The following ZNF385D variants were observed in gnomAD, a reference collection of about 807,000 sequenced individuals.
ZNF385D encodes zinc finger protein 385D.
A neutral mutation model predicts 35.8 loss-of-function variants in ZNF385D; 15 were observed. The observed-to-expected ratio is 0.42, with a 90% confidence interval of 0.28 to 0.64. The LOEUF (loss-of-function observed/expected upper bound fraction) is 0.64, where lower values mean the gene tolerates loss of function less well. Ranked by LOEUF, ZNF385D falls within the 30% of genes least tolerant of loss-of-function variation. The probability of loss-of-function intolerance (pLI) is 0.23; values close to 1 mark genes in which losing one functional copy is unlikely to be tolerated. For synonymous variants in ZNF385D, 212 were observed against 186.8 expected (o/e 1.13, Z -1.10); for missense variants, 474 against 494.6 (o/e 0.96, Z 0.39).
intron 3 of ZNF385D, among the ~76,000 whole-genome samples, chr3:21,964,567 G>A (rs1308251325): frequency 7.8e-6 from 1 of 128,860 alleles, no homozygotes; most frequent in Admixed American, 9.8e-5. Context: ...TTGGCTCACT[G>A]CAACCTCTGC....
chr3:22,339,838 T>C (rs1695341064), intron 2 of ZNF385D, among the ~76,000 whole-genome samples: 1 of 152,220 alleles, frequency 6.6e-6, no homozygotes, highest in Admixed American at 6.5e-5. Context: ...CTTTTGATAC[T>C]GATCGACATC....
At chr3:22,169,003 C>T in exon 3 of ZNF385D, 4 of 985,812 alleles carry the variant, frequency 4.1e-6, no homozygotes, top group Non-Finnish European at 4.8e-6. Flanking sequence ...ATTAATTCAG[C>T]CTCACTCTCG....
intron 4 of ZNF385D, among the ~76,000 whole-genome samples, chr3:21,473,608 T>C (rs1704041556): frequency 6.6e-6 from 1 of 152,124 alleles, no homozygotes; most frequent in South Asian, 2.1e-4. Flanking sequence ...TAATCAGTTT[T>C]AACCTGTCTA....
intron 2 of ZNF385D, among the ~76,000 whole-genome samples, chr3:22,207,682 T>C (rs1697246147): frequency 6.6e-6 from 1 of 151,782 alleles, no homozygotes; most frequent in African/African-American, 2.4e-5. Flanking sequence ...AAAGGACTAA[T>C]AACCAGAATC....
intron 4 of ZNF385D, among the ~76,000 whole-genome samples, chr3:21,461,803 C>T (rs73131540): frequency 0.021 from 3,192 of 152,256 alleles, 108 homozygotes; most frequent in African/African-American, 0.073. Flanking sequence ...TGGATGGTCT[C>T]TTGACAATTT....
intron 3 of ZNF385D, among the ~76,000 whole-genome samples, chr3:21,776,246 T>C (rs971503646): frequency 6.6e-6 from 1 of 151,952 alleles, no homozygotes; most frequent in African/African-American, 2.4e-5. Context: ...TTAGTTTTTG[T>C]GCTTATTACT....
At chr3:21,472,889 A>G (rs1179903303) in intron 4 of ZNF385D, among the ~76,000 whole-genome samples, 1 of 152,104 alleles carries the variant, frequency 6.6e-6, no homozygotes, top group Non-Finnish European at 1.5e-5. Context: ...TCTGAGTGCT[A>G]CCTGATTTGT....
intron 3 of ZNF385D, among the ~76,000 whole-genome samples, chr3:21,842,437 T>C (rs551680774): frequency 6.6e-6 from 1 of 152,144 alleles, no homozygotes; most frequent in East Asian, 1.9e-4. Flanking sequence ...CCAGCCGTTA[T>C]GAATTGAATT....
intron 2 of ZNF385D, among the ~76,000 whole-genome samples, chr3:21,634,087 C>G (rs1221072309): frequency 6.6e-6 from 1 of 151,892 alleles, no homozygotes; most frequent in Non-Finnish European, 1.5e-5. Flanking sequence ...GTCCCAGCTA[C>G]TAGGGAGGCT....
At chr3:22,007,798 T>C (rs1195969491) in intron 3 of ZNF385D, among the ~76,000 whole-genome samples, 3 of 146,874 alleles carry the variant, frequency 2.0e-5, no homozygotes, top group Admixed American at 1.3e-4. Flanking sequence ...TTTGATATGA[T>C]ATATATATTA....
intron 5 of ZNF385D, among the ~76,000 whole-genome samples, chr3:21,434,878 G>A (rs1431678121): frequency 5.3e-5 from 8 of 152,168 alleles, no homozygotes; most frequent in East Asian, 3.9e-4. Flanking sequence ...TCTTTCCACC[G>A]ATTAGGCCTA....
intron 2 of ZNF385D, among the ~76,000 whole-genome samples, chr3:22,239,527 A>C (rs904366632): frequency 6.8e-6 from 1 of 147,976 alleles, no homozygotes. Flanking sequence ...CAAAATACAT[A>C]TAATCATATT....
At chr3:21,885,212 A>G (rs1195627748) in intron 3 of ZNF385D, among the ~76,000 whole-genome samples, 4 of 152,070 alleles carry the variant, frequency 2.6e-5, no homozygotes, top group Non-Finnish European at 5.9e-5. Flanking sequence ...TCAATATTCT[A>G]AAATTATTAT....
rs1391684724 is a variant in ZNF385D, at chr3:22,118,349, A to G, written c.325+50468T>C. On this transcript the variant is annotated intron_variant, in intron 3 of 5. Coordinates refer to the ZNF385D transcript ENST00000494108. ...TTGATAAATTTCTTCATGGAACAAA[A>G]AGTAAGAAATCTTAGAAAACTGTAA... Among the ~76,000 whole-genome samples, 10 of 152,106 alleles carry G rather than the reference A, an allele frequency of 6.6e-5. 1 individual carries two copies. Among genetic ancestry groups the G allele is most frequent in the Non-Finnish European group, 2.9e-5 (2 of 68,018 alleles).
intron 4 of ZNF385D, among the ~76,000 whole-genome samples, chr3:21,442,423 T>C (rs1362360237): frequency 2.0e-5 from 3 of 152,152 alleles, no homozygotes; most frequent in Admixed American, 1.3e-4. Context: ...TGCTAGGAAA[T>C]GAAGAAAACA....
At chr3:22,217,462 C>T (rs1212020170) in intron 2 of ZNF385D, among the ~76,000 whole-genome samples, 1 of 152,118 alleles carries the variant, frequency 6.6e-6, no homozygotes, top group Non-Finnish European at 1.5e-5. Context: ...CAGAGGTGCA[C>T]TTCACTCCAG....
intron 3 of ZNF385D, among the ~76,000 whole-genome samples, chr3:22,022,441 C>A (rs992140203): frequency 3.9e-5 from 6 of 152,048 alleles, no homozygotes; most frequent in African/African-American, 1.4e-4. Context: ...ACTCTCAGCT[C>A]CTCAAAATTT....
intron 2 of ZNF385D, among the ~76,000 whole-genome samples, chr3:22,180,854 T>G (rs186709543): frequency 6.6e-6 from 1 of 151,268 alleles, no homozygotes; most frequent in East Asian, 1.9e-4. Flanking sequence ...ACAGTAAGGC[T>G]AAGAGGAGAA....
At chr3:21,778,558 T>C (rs565811850) in intron 3 of ZNF385D, among the ~76,000 whole-genome samples, 1 of 152,006 alleles carries the variant, frequency 6.6e-6, no homozygotes, top group Non-Finnish European at 1.5e-5. Flanking sequence ...AGAGCATGGT[T>C]CGCGAAAAAC....
Sources: gnomAD v4.1 joint callset for allele counts (sites outside exome capture counted in the v4.1 genomes callset) on GRCh38, gnomAD v4.1.1 for gene constraint, MANE v1.5 for transcripts, NCBI Gene and HGNC (gene_info 2026-07-23, HGNC 2026-07-21) for gene names.